Variants in MARCHF10 observed in about 807,000 individuals in gnomAD.
The protein encoded by MARCHF10 is probable E3 ubiquitin-protein ligase MARCHF10.
MARCHF10 carries 64 observed loss-of-function variants against 76.2 expected under a neutral mutation model. The observed-to-expected ratio is 0.84, with a 90% CI of 0.69 to 1.03. The LOEUF (loss-of-function observed/expected upper bound fraction) is 1.03. Ranked by LOEUF, MARCHF10 falls within the 50% of genes least tolerant of loss-of-function variation. The probability of loss-of-function intolerance (pLI) is 0.00; values close to 1 mark genes in which losing one functional copy is unlikely to be tolerated. For synonymous variants in MARCHF10, 340 were observed against 357.5 expected, an observed-to-expected ratio of 0.95 and a Z score of 0.55; for missense variants, 875 against 958.0, an observed-to-expected ratio of 0.91 and a Z score of 1.14.
chr17:62,714,635 G>A (rs1898150179), intron 8 of MARCHF10, among the ~76,000 whole-genome samples: 1 of 152,170 alleles, frequency 6.6e-6, no homozygotes, highest in African/African-American at 2.4e-5. Context: ...ATCAGACAGT[G>A]ACCCATTCAG....
At position 62,701,677 on chromosome 17, in the gene MARCHF10, G is replaced by A. The variant is rs774579140; in HGVS notation, c.*26C>T. ...AGAAGGGCTGGCGGGAGAGGTCTCC[G>A]CCGAGCTCCACAGTTGGCTTCCTTG... On this transcript the variant is annotated 3_prime_UTR_variant, in exon 11 of 11. Coordinates refer to ENST00000311269, the MANE Select transcript of MARCHF10 (RefSeq NM_152598.4). 88 of 1,613,714 alleles carry A rather than the reference G, an allele frequency of 5.5e-5. No homozygotes were observed. Among genetic ancestry groups the A allele is most frequent in the Non-Finnish European group, 7.3e-5 (86 of 1,179,990 alleles).
At position 62,800,893 on chromosome 17, in the gene MARCHF10, C is replaced by T. The variant is rs565587826; in HGVS notation, c.90+753G>A. On this transcript the variant is annotated intron_variant, in intron 2 of 10. Coordinates refer to ENST00000311269, the MANE Select transcript of MARCHF10 (RefSeq NM_152598.4). ...TGTAACTAGGGGGACCAGCAGTTAGCTCATTGTAAAATGTGCAAACCACCT... is the reference window on the plus strand; with the variant it reads ...TGTAACTAGGGGGACCAGCAGTTAGTTCATTGTAAAATGTGCAAACCACCT... Among the ~76,000 whole-genome samples the T allele has an allele frequency of 3.3e-5, 5 of 152,278 alleles. No homozygotes were observed. The East Asian group carries it at 7.7e-4, about 23-fold the overall frequency.
intron 4 of MARCHF10, among the ~76,000 whole-genome samples, chr17:62,748,329 G>A (rs939295850): frequency 7.9e-5 from 12 of 151,402 alleles, no homozygotes; most frequent in South Asian, 6.3e-4. Context: ...CCTGGGAGGC[G>A]GAGGTTGCAG....
intron 2 of MARCHF10, among the ~76,000 whole-genome samples, chr17:62,789,069 CA>C (rs34556672): frequency 0.04 from 1,474 of 36,812 alleles, 8 homozygotes; most frequent in African/African-American, 0.14. Flanking sequence ...GACTCCGTCT[CA>C]AAAAAAAAAA....
chr17:62,758,395 C>A (rs1394682828), intron 4 of MARCHF10, among the ~76,000 whole-genome samples: 1 of 152,018 alleles, frequency 6.6e-6, no homozygotes, highest in Non-Finnish European at 1.5e-5. Context: ...AACAAAAAAA[C>A]CCTGAAATTC....
In MARCHF10 at chr17:62,725,098, C is replaced by T; in HGVS notation, c.1944G>A (p.Leu648=). ...CTCCCTCCTCCTCGGAGTCCTCCTC[C>T]AGGAGACTAAATGTGAAAACAAGCC... ...EKLKKLQESL[L]EEDSEEEGDL... is the part of the protein sequence containing the mutation. Residue 648 remains leucine, a synonymous_variant, in exon 7 of 11, where the codon CTG becomes CTA. Transcript: ENST00000311269. 6.3e-7 allele frequency: 1 copy of T among 1,588,308 alleles called. No homozygotes were observed. The highest frequency in any genetic ancestry group is 8.5e-7 in the Non-Finnish European group (1 of 1,171,692).
rs541642086 is a variant in MARCHF10, at chr17:62,704,189, G to T, written c.2371+1350C>A. Among the ~76,000 whole-genome samples, 49 of 151,662 alleles carry T rather than the reference G, an allele frequency of 3.2e-4. No individual in the cohort carries two copies. The East Asian group carries it at 9.1e-3, about 28-fold the overall frequency. On this transcript the variant is annotated intron_variant, in intron 10 of 10. Transcript: ENST00000311269. ...AGGCCCTCGCCGAGGCGGAGGCTGG[G>T]ACGCGCGGGGCGGGCGGCGGCGGGG...
At chr17:62,779,585 A>C (rs2092618438) in intron 3 of MARCHF10, among the ~76,000 whole-genome samples, 1 of 152,224 alleles carries the variant, frequency 6.6e-6, no homozygotes, top group Non-Finnish European at 1.5e-5. Context: ...GCCAGCCTCC[A>C]CGGACAGCTG....
chr17:62,709,099 C>T (rs560877628), intron 9 of MARCHF10, among the ~76,000 whole-genome samples: 35 of 152,320 alleles, frequency 2.3e-4, no homozygotes, highest in African/African-American at 7.5e-4. Flanking sequence ...TCATGTCTAG[C>T]GTCTAGTAGC....
intron 6 of MARCHF10, among the ~76,000 whole-genome samples, chr17:62,727,565 A>G (rs1409256519): frequency 6.6e-6 from 1 of 152,096 alleles, no homozygotes; most frequent in Non-Finnish European, 1.5e-5. Context: ...CTGTGCACAT[A>G]CTGTTTTATA....
At chr17:62,764,267 C>T (rs999770911) in intron 3 of MARCHF10, among the ~76,000 whole-genome samples, 5 of 152,200 alleles carry the variant, frequency 3.3e-5, no homozygotes, top group Non-Finnish European at 7.3e-5. Flanking sequence ...CTGATGGCTC[C>T]TTTCCAAGAA....
At chr17:62,771,238 G>A (rs1331796932) in intron 3 of MARCHF10, among the ~76,000 whole-genome samples, 4 of 152,108 alleles carry the variant, frequency 2.6e-5, no homozygotes, top group South Asian at 2.1e-4. Flanking sequence ...TAAGAACATG[G>A]AATGGGGGAT....
At chr17:62,753,955 C>G (rs1052298212) in intron 4 of MARCHF10, among the ~76,000 whole-genome samples, 1 of 152,110 alleles carries the variant, frequency 6.6e-6, no homozygotes, top group Non-Finnish European at 1.5e-5. Flanking sequence ...TATCATACAC[C>G]CTGGGACGTG....
intron 8 of MARCHF10, among the ~76,000 whole-genome samples, chr17:62,720,999 C>A (rs2090459219): frequency 6.6e-6 from 1 of 151,706 alleles, no homozygotes; most frequent in African/African-American, 2.4e-5. Context: ...TCCTGAGTAG[C>A]TGAGATTACA....
chr17:62,796,866 G>A (rs929823168), intron 2 of MARCHF10, among the ~76,000 whole-genome samples: 4 of 152,122 alleles, frequency 2.6e-5, no homozygotes, highest in Non-Finnish European at 5.9e-5. Context: ...GGTAGCACAT[G>A]CTTGTGGTTC....
At chr17:62,805,915 A>AT (rs2093156513) in intron 1 of MARCHF10, among the ~76,000 whole-genome samples, 1 of 130,574 alleles carries the variant, frequency 7.7e-6, no homozygotes, top group African/African-American at 3.1e-5. Context: ...AAATAAAAAA[A>AT]AATAATAATA....
intron 5 of MARCHF10, among the ~76,000 whole-genome samples, chr17:62,739,298 TA>T (rs1294644845): frequency 6.6e-6 from 1 of 151,706 alleles, no homozygotes; most frequent in Non-Finnish European, 1.5e-5. Context: ...GACTCTGTCT[TA>T]AAAATAAATA....
At chr17:62,714,863 A>G (rs1264075197) in intron 8 of MARCHF10, among the ~76,000 whole-genome samples, 1 of 151,966 alleles carries the variant, frequency 6.6e-6, no homozygotes, top group Non-Finnish European at 1.5e-5. Context: ...CTCCTGCCTC[A>G]GCCTCCCGAG....
rs530281485 is a variant in MARCHF10 at position 62,701,698 on chromosome 17, C to T, written c.*5G>A. 67 of 1,614,122 alleles carry T rather than the reference C, an allele frequency of 4.2e-5. No homozygotes were observed. The South Asian group carries it at 7.1e-4, about 17-fold the overall frequency. On this transcript the variant is annotated 3_prime_UTR_variant, in exon 11 of 11. Transcript: ENST00000311269. ...CTCCGCCGAGCTCCACAGTTGGCTTCCTTGCTAGACGACCTGGCTTTGAGA... is the reference window on the plus strand; with the variant it reads ...CTCCGCCGAGCTCCACAGTTGGCTTTCTTGCTAGACGACCTGGCTTTGAGA...
Sources: allele counts gnomAD v4.1 joint callset (sites outside exome capture counted in the v4.1 genomes callset), GRCh38; gene constraint gnomAD v4.1.1; transcripts MANE v1.5; gene names NCBI Gene and HGNC (gene_info 2026-07-23, HGNC 2026-07-21).